CRISP3: variants seen among roughly 807,000 people sequenced by gnomAD.
The protein encoded by CRISP3 is cysteine rich secretory protein 3.
Under a neutral mutation model 36.1 loss-of-function variants are expected in CRISP3, and 33 were observed. That is an observed-to-expected ratio of 0.91 (90% CI 0.69 to 1.22). The LOEUF is 1.22. CRISP3 is among the 50% of genes most tolerant of loss of function. The pLI is 0.00. For missense variants in CRISP3, 330 were observed against 301.2 expected, an observed-to-expected ratio of 1.10 and a Z score of -0.71; for synonymous variants, 117 against 104.6, an observed-to-expected ratio of 1.12 and a Z score of -0.72.
chr6:49,731,913 A>C (rs1283240175), intron 6 of CRISP3, among the ~76,000 whole-genome samples: 1 of 152,168 alleles, frequency 6.6e-6, no homozygotes, highest in Non-Finnish European at 1.5e-5. Context: ...AAAAGATTTA[A>C]TTAATACTAA....
Position 49,728,686 on chromosome 6 carries a change from T to A in CRISP3, c.*44A>T, listed in dbSNP as rs1231920487. 6.6e-7 allele frequency: 1 copy of A among 1,506,778 alleles called. No individual in the cohort carries two copies. The highest frequency in any genetic ancestry group is 1.4e-5 in the South Asian group (1 of 71,286). 93.3% of individuals were successfully genotyped at this position (1,506,778 alleles called of 1,614,324 possible). A position where few individuals can be genotyped will look rare whatever the true frequency, so the allele number is the denominator to read the frequency against. On this transcript the variant is annotated 3_prime_UTR_variant, in exon 8 of 8. Coordinates refer to ENST00000263045, the MANE Select transcript of CRISP3 (RefSeq NM_006061.4). Reference sequence around the variant, plus strand: ...GTAGATGCCAAATCTAAGTAGATAATCTGACTCCTCTCTACATAGCCCTAC... The same window carrying A: ...GTAGATGCCAAATCTAAGTAGATAAACTGACTCCTCTCTACATAGCCCTAC...
Position 49,737,415 on chromosome 6 carries a change from G to T in CRISP3, c.38-17C>A. On this transcript the variant is annotated splice_polypyrimidine_tract_variant and intron_variant, in intron 1 of 7. Transcript: ENST00000263045. ...ATGTCATTGCTGGGAAAACAAAACC[G>T]GTGGAACAGGGATCTGCATTAAAAT... 1 of 1,613,702 alleles carries T rather than the reference G, an allele frequency of 6.2e-7. No homozygotes were observed. The highest frequency in any genetic ancestry group is 1.3e-5 in the African/African-American group (1 of 74,970).
intron 1 of CRISP3, among the ~76,000 whole-genome samples, chr6:49,738,359 T>C (rs1430637534): frequency 6.6e-6 from 1 of 152,208 alleles, no homozygotes; most frequent in Non-Finnish European, 1.5e-5. Context: ...GGCAGTATAT[T>C]AGACATAAAA....
chr6:49,729,588 C>T (rs1768864308), intron 7 of CRISP3, among the ~76,000 whole-genome samples: 1 of 152,146 alleles, frequency 6.6e-6, no homozygotes, highest in Admixed American at 6.6e-5. Flanking sequence ...TCACTTCGTT[C>T]ACCCAGTTTC....
chr6:49,743,771 T>C (rs1377354611), intron 1 of CRISP3, among the ~76,000 whole-genome samples: 2 of 150,908 alleles, frequency 1.3e-5, no homozygotes, highest in African/African-American at 4.8e-5. Flanking sequence ...ACTGAAAAAC[T>C]TCTAAAAGCC....
rs185175407 is a variant in CRISP3, at chr6:49,736,472, T to C, written c.147A>G (p.Thr49=). ...PAFTALLTTQ[T]QVQREIVNKH... ...TATTCACAATCTCCCTTTGCACTTG[T>C]GTTTGGGTGGTTAACAAAGCAGTAA... The change falls in exon 3 of 8, where the codon ACA becomes ACG. Residue 49 remains threonine (T), a synonymous_variant. Transcript: ENST00000263045. The C allele has an allele frequency of 1.2e-6, 2 of 1,613,740 alleles. No individual in the cohort carries two copies. Among genetic ancestry groups the C allele is most frequent in the African/African-American group, 2.7e-5 (2 of 75,018 alleles).
intron 1 of CRISP3, among the ~76,000 whole-genome samples, chr6:49,739,766 GA>G (rs11432427): frequency 1.3e-4 from 19 of 149,860 alleles, no homozygotes; most frequent in South Asian, 4.2e-4. Context: ...TAGAAAGAAT[GA>G]AAAAAAAATA....
chr6:49,734,878 G>C (rs1162525584), intron 4 of CRISP3, among the ~76,000 whole-genome samples: 3 of 151,728 alleles, frequency 2.0e-5, no homozygotes, highest in Non-Finnish European at 4.4e-5. Context: ...TATATTTATT[G>C]ATGTATAGGT....
intron 6 of CRISP3, among the ~76,000 whole-genome samples, chr6:49,732,750 G>C (rs527949646): frequency 6.6e-6 from 1 of 152,248 alleles, no homozygotes; most frequent in South Asian, 2.1e-4. Flanking sequence ...CTGATAAGCA[G>C]GAGTAAGAGC....
intron 1 of CRISP3, among the ~76,000 whole-genome samples, chr6:49,738,269 G>T (rs1300353008): frequency 6.6e-6 from 1 of 151,972 alleles, no homozygotes; most frequent in Non-Finnish European, 1.5e-5. Flanking sequence ...CATTTATAAG[G>T]GTTAAAACAT....
chr6:49,744,246 T>A (rs1769276982), intron 1 of CRISP3, 85 bp downstream of exon 1: 1 of 940,824 alleles, frequency 1.1e-6, no homozygotes. Flanking sequence ...TACGAATATA[T>A]CACTTTATCA....
rs532057494 is a variant in CRISP3, at chr6:49,727,591, T to C, written c.*1139A>G. On this transcript the variant is annotated 3_prime_UTR_variant, in exon 8 of 8. Transcript: ENST00000263045. ...ATTCAGACTTCATCAGTTTTTTCATTACTGATCTTTTTCTGTTCCAGGATC... is the reference window on the plus strand; with the variant it reads ...ATTCAGACTTCATCAGTTTTTTCATCACTGATCTTTTTCTGTTCCAGGATC... The C allele has an allele frequency of 1.3e-5, 2 of 152,286 alleles. No homozygotes were observed. Among genetic ancestry groups the C allele is most frequent in the East Asian group, 3.9e-4 (2 of 5,174 alleles). 9.4% of individuals were successfully genotyped at this position (152,286 alleles called of 1,614,324 possible). A position where few individuals can be genotyped will look rare whatever the true frequency, so the allele number is the denominator to read the frequency against.
At chr6:49,736,052 C>T (rs1295870092) in intron 3 of CRISP3, among the ~76,000 whole-genome samples, 1 of 150,836 alleles carries the variant, frequency 6.6e-6, no homozygotes, top group Non-Finnish European at 1.5e-5. Flanking sequence ...GTTATTTACC[C>T]TACATGGCAT....
chr6:49,733,379 A>G, intron 5 of CRISP3, 87 bp from the exon 6 acceptor site: 2 of 924,552 alleles, frequency 2.2e-6, no homozygotes, highest in Non-Finnish European at 3.3e-6. Flanking sequence ...AAAATGGAGA[A>G]GAATGTTACC....
chr6:49,744,354 A>G lies in CRISP3; in HGVS notation c.14T>C (p.Leu5Pro). The change falls in exon 1 of 8, where the codon CTT (leucine) becomes CCT (proline). Residue 5 changes from leucine (L) to proline (P), a missense_variant. Leu to Pro is a moderately conservative substitution (Grantham distance 98, BLOSUM62 -3). Coordinates refer to ENST00000263045, the MANE Select transcript of CRISP3 (RefSeq NM_006061.4). MKQI[L>P]HPALETTAMT... ...ACCAGTGGTTTCCAGAGCAGGATGA[A>G]GTATTTGTTTCATCTATTGACAGAA... 6.5e-7 allele frequency: 1 copy of G among 1,533,304 alleles called. No homozygotes were observed. The allele number at this position is 1,533,304 out of a possible 1,614,324, so 95.0% of individuals were successfully genotyped here.
chr6:49,741,601 C>T (rs185780084), intron 1 of CRISP3, among the ~76,000 whole-genome samples: 2 of 146,744 alleles, frequency 1.4e-5, no homozygotes, highest in African/African-American at 2.5e-5. Context: ...AAATTCAACC[C>T]CTGTATGTAG....
rs151178377 is a variant in CRISP3 at position 49,736,553 on chromosome 6, T to C, written c.112-46A>G. Reference sequence around the variant, plus strand: ...AATTATCTTTTAACATTGTTGGAAATTGCACATAATAGTAACTATGTTAGT... The same window carrying C: ...AATTATCTTTTAACATTGTTGGAAACTGCACATAATAGTAACTATGTTAGT... On this transcript the variant is annotated intron_variant, in intron 2 of 7. Transcript: ENST00000263045. 44 of 1,320,906 alleles carry C rather than the reference T, an allele frequency of 3.3e-5. No homozygotes were observed. In the East Asian group the frequency reaches 9.7e-4, roughly 29 times the overall value. 81.8% of individuals were successfully genotyped at this position (1,320,906 alleles called of 1,614,324 possible).
Position 49,739,936 on chromosome 6 carries a change from A to G in CRISP3, c.38-2538T>C, listed in dbSNP as rs115024996. On this transcript the variant is annotated intron_variant, in intron 1 of 7. Coordinates refer to ENST00000263045, the MANE Select transcript of CRISP3 (RefSeq NM_006061.4). ...TAAGTCACTGAGTCCTACCTTTTAT[A>G]TGGTTTTCTGTTCTGTTCTGGTTTT... is the stretch of plus-strand genomic sequence containing the variant. Among the ~76,000 whole-genome samples, 958 of 152,224 alleles carry G rather than the reference A, an allele frequency of 6.3e-3. 10 individuals are homozygous for G. The highest frequency in any genetic ancestry group is 0.021 in the African/African-American group (893 of 41,536).
chr6:49,730,645 A>G (rs1387234290), intron 7 of CRISP3, among the ~76,000 whole-genome samples: 1 of 152,236 alleles, frequency 6.6e-6, no homozygotes, highest in Non-Finnish European at 1.5e-5. Flanking sequence ...CCAATATGTA[A>G]CATGGATGGT....
Sources: gnomAD v4.1 joint callset for allele counts (sites outside exome capture counted in the v4.1 genomes callset) on GRCh38, gnomAD v4.1.1 for gene constraint, MANE v1.5 for transcripts, NCBI Gene and HGNC (gene_info 2026-07-23, HGNC 2026-07-21) for gene names.